The following DCLRE1C variants were observed in gnomAD, a reference collection of about 807,000 sequenced individuals.
DCLRE1C encodes protein artemis.
Under a neutral mutation model 61.4 loss-of-function variants are expected in DCLRE1C, and 47 were observed. The ratio of observed to expected loss-of-function variants is 0.77; its 90% CI spans 0.61 to 0.98. The LOEUF is 0.98. Among genes scored for constraint, DCLRE1C ranks in the 50% least tolerant of loss-of-function variants. The pLI, the probability that DCLRE1C is intolerant of heterozygous loss-of-function variation, is 0.00. For synonymous variants in DCLRE1C, 337 were observed against 287.6 expected, an observed-to-expected ratio of 1.17 and a Z score of -1.74; for missense variants, 858 against 816.0, an observed-to-expected ratio of 1.05 and a Z score of -0.63.
rs536212805 is a variant in DCLRE1C, at chr10:14,935,836, G to A, written c.363-272C>T. ...TCAATTATATGTTGAGATCATTCTT[G>A]CTCATGGAGAGAGAAATACACGTGA... On this transcript the variant is annotated intron_variant, in intron 5 of 13. Coordinates refer to ENST00000378278, the MANE Select transcript of DCLRE1C (RefSeq NM_001033855.3). Among the ~76,000 whole-genome samples, 41 of 152,334 alleles carry A rather than the reference G, an allele frequency of 2.7e-4. No homozygotes were observed. The South Asian group carries it at 4.6e-3, about 17-fold the overall frequency.
chr10:14,939,316 C>T (rs549244192), intron 4 of DCLRE1C, among the ~76,000 whole-genome samples: 1 of 152,026 alleles, frequency 6.6e-6, no homozygotes, highest in South Asian at 2.1e-4. Context: ...TGGTGGCAGG[C>T]GCCTGTAATC....
chr10:14,916,398 G>A (rs944261768), intron 13 of DCLRE1C, among the ~76,000 whole-genome samples: 7 of 152,176 alleles, frequency 4.6e-5, no homozygotes, highest in Non-Finnish European at 8.8e-5. Context: ...CAGGATACAA[G>A]ATCAAAAATC....
intron 1 of DCLRE1C, among the ~76,000 whole-genome samples, chr10:14,950,673 C>T (rs41304322): frequency 0.011 from 1,629 of 152,276 alleles, 32 homozygotes; most frequent in African/African-American, 0.036. Flanking sequence ...AAAGAGTTTG[C>T]GCCATGGCAA....
intron 3 of DCLRE1C, among the ~76,000 whole-genome samples, chr10:14,944,640 T>C (rs1184920621): frequency 6.6e-6 from 1 of 151,978 alleles, no homozygotes; most frequent in East Asian, 1.9e-4. Context: ...TTCTGCCATA[T>C]TGTTCAATGC....
intron 13 of DCLRE1C, among the ~76,000 whole-genome samples, chr10:14,914,503 C>G (rs1388811527): frequency 6.6e-6 from 1 of 152,194 alleles, no homozygotes; most frequent in Non-Finnish European, 1.5e-5. Flanking sequence ...ACATTGTCAA[C>G]TAACTTAGCC....
At chr10:14,899,505 G>A (rs1833847538) in intron 13 of DCLRE1C, 1 of 1,607,550 alleles carries the variant, frequency 6.2e-7, no homozygotes, top group African/African-American at 1.3e-5. Flanking sequence ...TGGTTCAGTA[G>A]CTACGTAATA....
intron 2 of DCLRE1C, chr10:14,945,433 AC>A: frequency 8.1e-7 from 1 of 1,236,814 alleles, no homozygotes; most frequent in South Asian, 1.7e-5. Context: ...CTCTCAACAT[AC>A]CTATGCACAC....
intron 1 of DCLRE1C, among the ~76,000 whole-genome samples, chr10:14,952,745 C>T (rs1842637145): frequency 6.6e-6 from 1 of 152,034 alleles, no homozygotes; most frequent in Non-Finnish European, 1.5e-5. Flanking sequence ...TGCTCAAAGA[C>T]GTGCACGATG....
Position 14,934,464 on chromosome 10 carries a change from C to T in DCLRE1C, c.594G>A (p.Pro198=), listed in dbSNP as rs138120763. The T allele has an allele frequency of 1.7e-4, 273 of 1,614,172 alleles. No homozygotes were observed. Among genetic ancestry groups the T allele is most frequent in the Non-Finnish European group, 2.2e-4 (254 of 1,180,038 alleles). ...TGCAGTTCAGCCACACAACATGGTACGGGCTCCGAGTGATCCAGCTTCGGA... is the reference window on the plus strand; with the variant it reads ...TGCAGTTCAGCCACACAACATGGTATGGGCTCCGAGTGATCCAGCTTCGGA... The part of the protein sequence containing the change: ...ELVRSWITRS[P]YHVVWLNCKA... The change falls in exon 8 of 14, where the codon CCG becomes CCA. Residue 198 remains proline, a synonymous_variant. Coordinates refer to ENST00000378278, the MANE Select transcript of DCLRE1C (RefSeq NM_001033855.3).
At chr10:14,929,612 A>C (rs1240629417) in intron 9 of DCLRE1C, among the ~76,000 whole-genome samples, 6 of 152,126 alleles carry the variant, frequency 3.9e-5, no homozygotes, top group Non-Finnish European at 7.4e-5. Flanking sequence ...ACTGCACTCC[A>C]GCCTGGGTGA....
intron 2 of DCLRE1C, 32 bp from the exon 3 acceptor site, chr10:14,945,221 C>T (rs759789378): frequency 1.3e-6 from 2 of 1,589,698 alleles, no homozygotes; most frequent in Admixed American, 3.4e-5. Context: ...ACTTTCAGTA[C>T]AATCCAAAAT....
At chr10:14,952,138 T>C (rs541648313) in intron 1 of DCLRE1C, among the ~76,000 whole-genome samples, 1 of 152,322 alleles carries the variant, frequency 6.6e-6, no homozygotes, top group Non-Finnish European at 1.5e-5. Flanking sequence ...TTATTATTTC[T>C]CCAAACTCAG....
chr10:14,922,723 G>C (rs1038754160), intron 12 of DCLRE1C, among the ~76,000 whole-genome samples: 2 of 152,090 alleles, frequency 1.3e-5, no homozygotes. Context: ...AAGTGATCTG[G>C]CCAAGCTCAC....
In DCLRE1C at chr10:14,907,232, G is replaced by A. The variant is rs1359420547; in HGVS notation, c.*1176C>T. 6.6e-6 allele frequency among the ~76,000 whole-genome samples: 1 copy of A among 151,158 alleles called. No individual in the cohort carries two copies. ...CACCGTATTCACATCAAGGTTAAGT[G>A]ACTTAACATCTTTGGGGATAAATAA... On this transcript the variant is annotated 3_prime_UTR_variant, in exon 14 of 14. Coordinates refer to ENST00000378278, the MANE Select transcript of DCLRE1C (RefSeq NM_001033855.3).
chr10:14,930,622 G>A (rs945434761), intron 9 of DCLRE1C, among the ~76,000 whole-genome samples: 6 of 151,854 alleles, frequency 4.0e-5, no homozygotes, highest in African/African-American at 1.5e-4. Flanking sequence ...TACTAGAGAC[G>A]GGGTTTTGCC....
intron 3 of DCLRE1C, among the ~76,000 whole-genome samples, chr10:14,941,622 T>C (rs1840877588): frequency 6.6e-6 from 1 of 152,232 alleles, no homozygotes; most frequent in South Asian, 2.1e-4. Flanking sequence ...TTCTTTATCG[T>C]ACAATTTCCT....
At chr10:14,923,119 T>C in intron 11 of DCLRE1C, 50 bp from the exon 12 acceptor site, 1 of 1,405,552 alleles carries the variant, frequency 7.1e-7, no homozygotes, top group Non-Finnish European at 1.0e-6. Context: ...ATGAAACAGG[T>C]TGTTAGGGGA....
In DCLRE1C at chr10:14,941,944, C is replaced by G. The variant is rs1797055; in HGVS notation, c.247-2075G>C. Among the ~76,000 whole-genome samples, 427 of 151,060 alleles carry G rather than the reference C, an allele frequency of 2.8e-3. 1 individual carries two copies. The highest frequency in any genetic ancestry group is 8.2e-3 in the African/African-American group (331 of 40,398). On this transcript the variant is annotated intron_variant, in intron 3 of 13. Coordinates refer to ENST00000378278, the MANE Select transcript of DCLRE1C (RefSeq NM_001033855.3). ...TTCCTATTTCTTGCCCTGATTCTGC[C>G]GTGGCCTTGTTTGTACTATGTCAAC... is the stretch of plus-strand genomic sequence containing the variant.
At position 14,936,566 on chromosome 10, in the gene DCLRE1C, G is replaced by C; in HGVS notation, c.334C>G (p.Pro112Ala). 6.2e-7 allele frequency: 1 copy of C among 1,613,180 alleles called. No individual in the cohort carries two copies. Among genetic ancestry groups the C allele is most frequent in the Non-Finnish European group, 8.5e-7 (1 of 1,179,354 alleles). ...EKEEIVVTLL[P>A]AGHCPGSVMF... is the part of the protein sequence containing the mutation. ...ACTGATCCCGGACAGTGACCAGCTG[G>C]TAAGAGAGTCACAACAATCTCTTCC... The change falls in exon 5 of 14, where the codon CCA becomes GCA. Residue 112 changes from proline (P) to alanine (A), a missense_variant. Transcript: ENST00000378278.
Sources: allele counts gnomAD v4.1 joint callset (sites outside exome capture counted in the v4.1 genomes callset), GRCh38; gene constraint gnomAD v4.1.1; transcripts MANE v1.5; gene names NCBI Gene and HGNC (gene_info 2026-07-23, HGNC 2026-07-21).